Variants in KCNQ1 observed in about 807,000 individuals in gnomAD.
The protein encoded by KCNQ1 is potassium voltage-gated channel subfamily Q member 1, also known as potassium voltage-gated channel subfamily KQT member 1.
In KCNQ1, 49 loss-of-function variants were observed where a neutral mutation model predicts 72.4. That is an observed-to-expected ratio of 0.68 (90% CI 0.54 to 0.86). The LOEUF is 0.86. KCNQ1 is among the 40% of genes least tolerant of loss of function. The pLI is 0.00. For synonymous variants in KCNQ1, 450 were observed against 412.6 expected, an observed-to-expected ratio of 1.09 and a Z score of -1.10; for missense variants, 790 against 945.1, an observed-to-expected ratio of 0.84 and a Z score of 2.15.
At chr11:2,634,237 G>A (rs1849414278) in intron 10 of KCNQ1, 1 of 387,788 alleles carries the variant, frequency 2.6e-6, no homozygotes, top group African/African-American at 2.1e-5. Context: ...TGTTACATAT[G>A]TATACATGTG....
chr11:2,629,816 GT>G (rs201878433), intron 10 of KCNQ1: 4 of 397,400 alleles, frequency 1.0e-5, no homozygotes, highest in African/African-American at 4.1e-5. Flanking sequence ...CTTCTAACAG[GT>G]TTTTTTTGTG....
rs908757299 is a variant in KCNQ1, at chr11:2,447,832, C to T, written c.386+2348C>T. On this transcript the variant is annotated intron_variant, in intron 1 of 15. Transcript: ENST00000155840. The surrounding 1 kb of genome is among the most constrained non-coding windows in gnomAD (Gnocchi z 7.6). ...GGGGTTGAGGCAGGAGCCGGTGTTC[C>T]GCTGACCCTACAGGGCTAGGGCGAA... 7.2e-5 allele frequency among the ~76,000 whole-genome samples: 11 copies of T among 152,312 alleles called. No individual in the cohort carries two copies. The highest frequency in any genetic ancestry group is 2.1e-4 in the South Asian group (1 of 4,832).
At chr11:2,733,739 G>C (rs959167192) in intron 11 of KCNQ1, among the ~76,000 whole-genome samples, 1 of 149,876 alleles carries the variant, frequency 6.7e-6, no homozygotes, top group African/African-American at 2.5e-5. Context: ...GCAGTGGAGA[G>C]GGGTCTAGCG....
chr11:2,461,552 G>A (rs1213842857), intron 1 of KCNQ1: 6 of 1,351,452 alleles, frequency 4.4e-6, no homozygotes, highest in Non-Finnish European at 5.9e-6. Flanking sequence ...CTGGTGCCGG[G>A]CCTGGATTTA....
rs1025627240 is a variant in KCNQ1 at position 2,565,750 on chromosome 11, G to A, written c.478-4878G>A. Reference sequence around the variant, plus strand: ...GTGGAGTGCAGTGGCATCAGCCAAGGCTCCGAGGCGTTTCTTCCCACTTCA... The same window carrying A: ...GTGGAGTGCAGTGGCATCAGCCAAGACTCCGAGGCGTTTCTTCCCACTTCA... On this transcript the variant is annotated intron_variant, in intron 2 of 15. Coordinates refer to ENST00000155840, the MANE Select transcript of KCNQ1 (RefSeq NM_000218.3). The surrounding 1 kb of genome is among the most constrained non-coding windows in gnomAD (Gnocchi z 5.6). Among the ~76,000 whole-genome samples the A allele has an allele frequency of 6.6e-6, 1 of 152,222 alleles. No homozygotes were observed. Among genetic ancestry groups the A allele is most frequent in the African/African-American group, 2.4e-5 (1 of 41,450 alleles).
Position 2,491,357 on chromosome 11 carries a change from G to T in KCNQ1, c.387-36571G>T, listed in dbSNP as rs1234223667. 2.0e-5 allele frequency among the ~76,000 whole-genome samples: 3 copies of T among 152,094 alleles called. No individual in the cohort carries two copies. The highest frequency in any genetic ancestry group is 7.2e-5 in the African/African-American group (3 of 41,408). On this transcript the variant is annotated intron_variant, in intron 1 of 15. Coordinates refer to ENST00000155840, the MANE Select transcript of KCNQ1 (RefSeq NM_000218.3). This position sits in a 1 kb window ranked among gnomAD's most constrained non-coding sequence, Gnocchi z 4.1. ...CTCAAATTCAAGATAACACAGCGAA[G>T]GAATTCAGAATTCTATCAGATAAAT...
At chr11:2,581,499 C>A (rs544099693) in intron 6 of KCNQ1, among the ~76,000 whole-genome samples, 1 of 152,214 alleles carries the variant, frequency 6.6e-6, no homozygotes, top group Non-Finnish European at 1.5e-5. Flanking sequence ...TCCGGTTCCC[C>A]CAGGGCCCCC....
intron 6 of KCNQ1, among the ~76,000 whole-genome samples, chr11:2,573,396 C>A (rs1026314002): frequency 6.6e-6 from 1 of 152,264 alleles, no homozygotes; most frequent in Middle Eastern, 3.4e-3. Flanking sequence ...GCATACCTCG[C>A]GTGTCTCTGA....
rs1339706563 is a variant in KCNQ1, at chr11:2,588,490, G to C, written c.1252-223G>C. ...CCTGCTGTCCTGTTAGCGAGGCCGTGAGCTCACAGGGCAGCACCTGGGCCA... is the reference window on the plus strand; with the variant it reads ...CCTGCTGTCCTGTTAGCGAGGCCGTCAGCTCACAGGGCAGCACCTGGGCCA... On this transcript the variant is annotated intron_variant, in intron 9 of 15. Transcript: ENST00000155840. This position sits in a 1 kb window ranked among gnomAD's most constrained non-coding sequence, Gnocchi z 5.6. 6.6e-6 allele frequency among the ~76,000 whole-genome samples: 1 copy of C among 152,158 alleles called. No homozygotes were observed. Among genetic ancestry groups the C allele is most frequent in the African/African-American group, 2.4e-5 (1 of 41,442 alleles).
intron 15 of KCNQ1, among the ~76,000 whole-genome samples, chr11:2,832,111 G>T (rs1444539636): frequency 2.0e-5 from 3 of 152,108 alleles, no homozygotes; most frequent in Non-Finnish European, 4.4e-5. Flanking sequence ...TTCCTGACAG[G>T]TGATAGCTTC....
intron 15 of KCNQ1, among the ~76,000 whole-genome samples, chr11:2,840,815 C>G (rs1448949214): frequency 4.6e-5 from 7 of 152,228 alleles, no homozygotes; most frequent in Non-Finnish European, 1.5e-5. Flanking sequence ...CTTCTCTGCT[C>G]AGCACCCACC....
Position 2,767,088 on chromosome 11 carries a change from A to C in KCNQ1, c.1515-1756A>C, listed in dbSNP as rs987180641. 2.0e-5 allele frequency among the ~76,000 whole-genome samples: 3 copies of C among 152,182 alleles called. No homozygotes were observed. Among genetic ancestry groups the C allele is most frequent in the African/African-American group, 7.2e-5 (3 of 41,428 alleles). ...GAGGCTGAGGCAGAAAAATCACTTG[A>C]ACCCGGGAGGCGGAGGCTGCAGTGA... On this transcript the variant is annotated intron_variant, in intron 11 of 15. Coordinates refer to ENST00000155840, the MANE Select transcript of KCNQ1 (RefSeq NM_000218.3). This position sits in a 1 kb window ranked among gnomAD's most constrained non-coding sequence, Gnocchi z 4.6.
rs1376890642 is a variant in KCNQ1, at chr11:2,661,067, C to T, written c.1394-894C>T. On this transcript the variant is annotated intron_variant, in intron 10 of 15. Transcript: ENST00000155840. The surrounding 1 kb of genome is among the most constrained non-coding windows in gnomAD (Gnocchi z 5.9). ...TGTTACAGAGTGACAGGAACAGAGT[C>T]ACAGTGACATCCCATGTGCATAAAA... The T allele has an allele frequency of 5.0e-6, 2 of 398,228 alleles. No homozygotes were observed. Among genetic ancestry groups the T allele is most frequent in the Non-Finnish European group, 8.8e-6 (2 of 226,032 alleles). The allele number at this position is 398,228 out of a possible 1,614,324, so 24.7% of individuals were successfully genotyped here.
At chr11:2,689,694 G>A (rs1590034380) in intron 11 of KCNQ1, 3 of 398,546 alleles carry the variant, frequency 7.5e-6, no homozygotes, top group East Asian at 3.6e-5. Flanking sequence ...AGCTGCAGGG[G>A]CAGCTGTCCT....
At chr11:2,805,195 G>A (rs1204172060) in intron 15 of KCNQ1, among the ~76,000 whole-genome samples, 1 of 152,170 alleles carries the variant, frequency 6.6e-6, no homozygotes, top group Non-Finnish European at 1.5e-5. Context: ...GAAGACGCAG[G>A]GGTGGTTCAC....
chr11:2,762,933 C>T lies in KCNQ1; in HGVS notation c.1515-5911C>T, dbSNP rs746984603. ...ATCTGTCTGCCCACACGCTCTTAAT[C>T]AAGCCCTGTGGCCTCATGAAACCCT... On this transcript the variant is annotated intron_variant, in intron 11 of 15. Coordinates refer to ENST00000155840, the MANE Select transcript of KCNQ1 (RefSeq NM_000218.3). The surrounding 1 kb of genome is among the most constrained non-coding windows in gnomAD (Gnocchi z 4.3). Among the ~76,000 whole-genome samples the T allele has an allele frequency of 9.2e-5, 14 of 152,166 alleles. No homozygotes were observed. The highest frequency in any genetic ancestry group is 2.0e-4 in the Admixed American group (3 of 15,282).
At position 2,479,179 on chromosome 11, in the gene KCNQ1, C is replaced by G. The variant is rs1330280380; in HGVS notation, c.386+33695C>G. On this transcript the variant is annotated intron_variant, in intron 1 of 15. Coordinates refer to ENST00000155840, the MANE Select transcript of KCNQ1 (RefSeq NM_000218.3). This position sits in a 1 kb window ranked among gnomAD's most constrained non-coding sequence, Gnocchi z 4.6. ...ATTGAGTGTCTGCAGCTTTTCCAGG[C>G]ACATGGTGCAAGCTGTTGATGGATC... Among the ~76,000 whole-genome samples the G allele has an allele frequency of 6.6e-6, 1 of 152,200 alleles. No individual in the cohort carries two copies. Among genetic ancestry groups the G allele is most frequent in the Non-Finnish European group, 1.5e-5 (1 of 68,044 alleles).
chr11:2,767,594 G>A lies in KCNQ1; in HGVS notation c.1515-1250G>A, dbSNP rs1004368296. On this transcript the variant is annotated intron_variant, in intron 11 of 15. Coordinates refer to ENST00000155840, the MANE Select transcript of KCNQ1 (RefSeq NM_000218.3). The surrounding 1 kb of genome is among the most constrained non-coding windows in gnomAD (Gnocchi z 4.6). ...ATAATTTTATTTTCTTCTGCCACGC[G>A]CAAAGCACCTTACTCCAGTAGGGGA... 2.6e-5 allele frequency among the ~76,000 whole-genome samples: 4 copies of A among 152,064 alleles called. No individual in the cohort carries two copies. Among genetic ancestry groups the A allele is most frequent in the Admixed American group, 6.5e-5 (1 of 15,272 alleles).
chr11:2,777,101 T>A, intron 14 of KCNQ1, 69 bp downstream of exon 14: 1 of 1,476,728 alleles, frequency 6.8e-7, no homozygotes, highest in Non-Finnish European at 9.4e-7. Context: ...TCTGCCCTCC[T>A]GGCTCTCCCC....
Sources: allele counts gnomAD v4.1 joint callset (sites outside exome capture counted in the v4.1 genomes callset), GRCh38; gene constraint gnomAD v4.1.1; non-coding constraint Gnocchi (gnomAD v3.1); transcripts MANE v1.5; gene names NCBI Gene and HGNC (gene_info 2026-07-23, HGNC 2026-07-21).